GARNL3: variants seen among roughly 807,000 people sequenced by gnomAD.
The protein encoded by GARNL3 is GTPase-activating Rap/Ran-GAP domain-like protein 3.
A neutral mutation model predicts 125.0 loss-of-function variants in GARNL3; 63 were observed. That is an observed-to-expected ratio of 0.50 (90% CI 0.41 to 0.62). The LOEUF is 0.62. GARNL3 is among the 20% of genes least tolerant of loss of function. The pLI, the probability that GARNL3 is intolerant of heterozygous loss-of-function variation, is 0.00. For missense variants in GARNL3, 994 were observed against 1,244.0 expected, an observed-to-expected ratio of 0.80 and a Z score of 3.02; for synonymous variants, 439 against 457.5, an observed-to-expected ratio of 0.96 and a Z score of 0.52.
Position 127,291,317 on chromosome 9 carries a change from GT to G in GARNL3, c.219+77del, listed in dbSNP as rs2131371453. 2.3e-6 allele frequency: 3 copies of G among 1,310,724 alleles called. No homozygotes were observed. In the East Asian group the frequency reaches 6.9e-5, roughly 30 times the overall value. 81.2% of individuals were successfully genotyped at this position (1,310,724 alleles called of 1,614,324 possible). A position where few individuals can be genotyped will look rare whatever the true frequency, so the allele number is the denominator to read the frequency against. On this transcript the variant is annotated intron_variant, in intron 2 of 27. Coordinates refer to ENST00000373387, the MANE Select transcript of GARNL3 (RefSeq NM_032293.5). Reference sequence around the variant, plus strand: ...GTGCCTGGGATATAGCAGTGAAAGAGTTCTGGAAGAGGTAAATAGAGCTTTT... The same window carrying G: ...GTGCCTGGGATATAGCAGTGAAAGAGTCTGGAAGAGGTAAATAGAGCTTTT...
At chr9:127,250,457 A>C (rs1190245811) in intron 2 of GARNL3, among the ~76,000 whole-genome samples, 1 of 152,204 alleles carries the variant, frequency 6.6e-6, no homozygotes, top group African/African-American at 2.4e-5. Flanking sequence ...TTGTAGCTTG[A>C]GTGACTGGCA....
intron 6 of GARNL3, among the ~76,000 whole-genome samples, chr9:127,321,803 A>AG (rs2065412704): frequency 6.6e-6 from 1 of 152,224 alleles, no homozygotes; most frequent in Non-Finnish European, 1.5e-5. Context: ...AATTCTATCC[A>AG]GGAGGCAGCA....
At chr9:127,353,611 A>AT (rs1830525174) in intron 17 of GARNL3, 2 of 485,426 alleles carry the variant, frequency 4.1e-6, no homozygotes, top group African/African-American at 4.0e-5. Context: ...TACGCCCCCT[A>AT]TATAGAGTTC....
intron 10 of GARNL3, 34 bp downstream of exon 10, chr9:127,335,367 T>C (rs943320539): frequency 1.2e-5 from 18 of 1,452,222 alleles, no homozygotes; most frequent in Non-Finnish European, 1.5e-5. Flanking sequence ...CAAATAGTGA[T>C]GTGAATGTGG....
At chr9:127,246,027 G>T (rs1229987533) in intron 2 of GARNL3, among the ~76,000 whole-genome samples, 1 of 152,144 alleles carries the variant, frequency 6.6e-6, no homozygotes, top group Non-Finnish European at 1.5e-5. Flanking sequence ...GCACCAAGTT[G>T]GGTCTTACAC....
intron 26 of GARNL3, among the ~76,000 whole-genome samples, chr9:127,389,978 C>A: frequency 6.7e-6 from 1 of 148,600 alleles, no homozygotes; most frequent in South Asian, 2.2e-4. Flanking sequence ...AAACATAAAG[C>A]CCCTGATAAG....
intron 1 of GARNL3, among the ~76,000 whole-genome samples, chr9:127,270,280 A>G (rs1457087078): frequency 6.6e-6 from 1 of 152,220 alleles, no homozygotes. Flanking sequence ...TCATTGGTCC[A>G]TATGTCTGTC....
intron 6 of GARNL3, among the ~76,000 whole-genome samples, chr9:127,323,734 A>G (rs2065474433): frequency 7.9e-6 from 1 of 127,252 alleles, no homozygotes; most frequent in Admixed American, 7.3e-5. Context: ...CCTGTGATTC[A>G]GGAACAATTA....
At chr9:127,308,792 C>A (rs1025471117) in intron 2 of GARNL3, among the ~76,000 whole-genome samples, 1 of 152,132 alleles carries the variant, frequency 6.6e-6, no homozygotes, top group African/African-American at 2.4e-5. Flanking sequence ...CCTACTCTTG[C>A]GAAATACACA....
intron 2 of GARNL3, among the ~76,000 whole-genome samples, chr9:127,306,060 G>C (rs2131438896): frequency 6.6e-6 from 1 of 152,300 alleles, no homozygotes; most frequent in East Asian, 1.9e-4. Context: ...AAATCTCTGG[G>C]AGGCAGACAG....
intron 1 of GARNL3, among the ~76,000 whole-genome samples, chr9:127,271,557 A>T (rs576817781): frequency 6.6e-6 from 1 of 150,444 alleles, no homozygotes; most frequent in East Asian, 1.9e-4. Context: ...CTTGTCTCTC[A>T]TGGCAGCATT....
Position 127,336,237 on chromosome 9 carries a change from G to T in GARNL3, c.982+1G>T. On this transcript the variant is annotated splice_donor_variant, in intron 11 of 27. Transcript: ENST00000373387. LOFTEE classifies it high-confidence loss of function. ...TCCATGATCCGCTCCCACTTTACAC[G>T]TATCCTGGGCCTTTGTAAATGCTCC... 6.2e-7 allele frequency: 1 copy of T among 1,604,494 alleles called. No homozygotes were observed. Among genetic ancestry groups the T allele is most frequent in the Non-Finnish European group, 8.5e-7 (1 of 1,171,650 alleles).
At chr9:127,345,928 G>A (rs1333455801) in intron 16 of GARNL3, among the ~76,000 whole-genome samples, 3 of 152,248 alleles carry the variant, frequency 2.0e-5, no homozygotes, top group African/African-American at 7.2e-5. Context: ...GCTTCAGTGT[G>A]TATTGAATTC....
intron 4 of GARNL3, among the ~76,000 whole-genome samples, chr9:127,314,360 G>C (rs953684381): frequency 6.6e-6 from 1 of 152,176 alleles, no homozygotes; most frequent in Non-Finnish European, 1.5e-5. Context: ...TCCCGTGCAA[G>C]GCCATGCCCG....
intron 7 of GARNL3, among the ~76,000 whole-genome samples, chr9:127,330,782 C>T (rs1227791363): frequency 2.0e-5 from 3 of 152,150 alleles, no homozygotes; most frequent in South Asian, 2.1e-4. Context: ...CAGTCATCCC[C>T]GGAACTGTGG....
chr9:127,291,177 A>G lies in GARNL3; in HGVS notation c.154A>G (p.Ser52Gly), dbSNP rs2064404021. 1 of 1,613,958 alleles carries G rather than the reference A, an allele frequency of 6.2e-7. No homozygotes were observed. Reference protein sequence around the residue: ...HYGSVELLISSDADGAIQRAG... With the variant: ...HYGSVELLISGDADGAIQRAG... ...GCTTTTTCCCCCCTAGCTTATTTCC[A>G]GTGATGCTGATGGAGCCATCCAAAG... Residue 52 changes from serine to glycine, a missense_variant, in exon 2 of 28, where the codon AGT (serine) becomes GGT (glycine). By Grantham distance (56) the Ser-to-Gly change is moderately conservative. Coordinates refer to ENST00000373387, the MANE Select transcript of GARNL3 (RefSeq NM_032293.5).
At chr9:127,310,507 C>T (rs1010925384) in intron 2 of GARNL3, among the ~76,000 whole-genome samples, 2 of 152,210 alleles carry the variant, frequency 1.3e-5, no homozygotes, top group Non-Finnish European at 2.9e-5. Flanking sequence ...ACAGGCCAGG[C>T]GTAGTGGCTC....
At chr9:127,250,327 A>G (rs1356880655) in intron 2 of GARNL3, among the ~76,000 whole-genome samples, 1 of 152,226 alleles carries the variant, frequency 6.6e-6, no homozygotes, top group East Asian at 1.9e-4. Flanking sequence ...ATAATAAAAT[A>G]CAAATACATA....
At chr9:127,273,880 C>G (rs2063886045) in intron 1 of GARNL3, among the ~76,000 whole-genome samples, 1 of 152,158 alleles carries the variant, frequency 6.6e-6, no homozygotes, top group African/African-American at 2.4e-5. Context: ...TCCTAGGAAG[C>G]TCCGAACTCC....
Sources: gnomAD v4.1 joint callset for allele counts (sites outside exome capture counted in the v4.1 genomes callset) on GRCh38, gnomAD v4.1.1 for gene constraint, MANE v1.5 for transcripts, NCBI Gene and HGNC (gene_info 2026-07-23, HGNC 2026-07-21) for gene names.